The following RP1 variants were observed in gnomAD, a reference collection of about 807,000 sequenced individuals.
The protein encoded by RP1 is RP1 axonemal microtubule associated.
A neutral mutation model predicts 14.8 loss-of-function variants in RP1; 16 were observed. That is an observed-to-expected ratio of 1.08 (90% CI 0.73 to 1.65). The LOEUF (loss-of-function observed/expected upper bound fraction) is 1.65. Ranked by LOEUF, RP1 falls within the 40% of genes most tolerant of loss-of-function variation. RP1 has a pLI of 0.00. For synonymous variants in RP1, 876 were observed against 883.6 expected, an observed-to-expected ratio of 0.99 and a Z score of 0.15; for missense variants, 2,631 against 2,535.0, an observed-to-expected ratio of 1.04 and a Z score of -0.81.
chr8:54,582,361 C>T (rs1267691792), intron 1 of RP1, among the ~76,000 whole-genome samples: 5 of 151,980 alleles, frequency 3.3e-5, no homozygotes, highest in South Asian at 2.1e-4. Context: ...CATTGGTCTA[C>T]ATCTCTGTTT....
chr8:54,783,796 G>A, intron 24 of RP1: 1 of 936,406 alleles, frequency 1.1e-6, no homozygotes, highest in East Asian at 3.3e-5. Context: ...ATTTTTTGTT[G>A]TTCTTTTGGT....
Position 54,832,802 on chromosome 8 carries a change from A to G in RP1, c.3616-4648A>G, listed in dbSNP as rs77301033. Among the ~76,000 whole-genome samples, 191 of 152,026 alleles carry G rather than the reference A, an allele frequency of 1.3e-3. 1 individual carries two copies. Among genetic ancestry groups the G allele is most frequent in the Non-Finnish European group, 2.4e-3 (160 of 67,830 alleles). On this transcript the variant is annotated intron_variant, in intron 24 of 28. Transcript: ENST00000637698. ...GGGTTTGTTTTTATGCCTTGTTAGG[A>G]CAGGGCTATTTCAGCTTTATCCTTA... is the stretch of plus-strand genomic sequence containing the variant.
At chr8:54,766,816 C>T (rs1441779758) in intron 22 of RP1, among the ~76,000 whole-genome samples, 6 of 152,144 alleles carry the variant, frequency 3.9e-5, no homozygotes, top group Non-Finnish European at 8.8e-5. Flanking sequence ...AGGGAGCTCC[C>T]TGGTGACCTA....
At position 54,630,644 on chromosome 8, in the gene RP1, T is replaced by C. The variant is rs1806229595; in HGVS notation, c.*291T>C. The stretch of plus-strand genomic sequence containing the variant: ...TCTATGATTTTTTTTGCTCAGGGCA[T>C]CAAAATGTGCTAAGGACAAGAATTA... On this transcript the variant is annotated 3_prime_UTR_variant, in exon 4 of 4. Transcript: ENST00000220676. 2 of 1,187,838 alleles carry C rather than the reference T, an allele frequency of 1.7e-6. No individual in the cohort carries two copies. The highest frequency in any genetic ancestry group is 2.1e-6 in the Non-Finnish European group (2 of 954,890). 73.6% of individuals were successfully genotyped at this position (1,187,838 alleles called of 1,614,324 possible).
chr8:54,825,908 A>C (rs1429513651), intron 24 of RP1, among the ~76,000 whole-genome samples: 3 of 70,190 alleles, frequency 4.3e-5, no homozygotes, highest in East Asian at 4.1e-4. Context: ...TGTCTCCACA[A>C]AAAAAAAAAA....
At chr8:54,605,420 C>G (rs1483008531) in intron 1 of RP1, among the ~76,000 whole-genome samples, 1 of 152,174 alleles carries the variant, frequency 6.6e-6, no homozygotes, top group Non-Finnish European at 1.5e-5. Context: ...GTTATAATTT[C>G]TATTCTTTTA....
intron 24 of RP1, among the ~76,000 whole-genome samples, chr8:54,827,610 GT>G (rs1811413897): frequency 1.3e-5 from 2 of 152,154 alleles, no homozygotes; most frequent in South Asian, 4.1e-4. Context: ...GATTACAGGC[GT>G]GAGCCACTGT....
At chr8:54,648,066 C>T (rs113559857) in intron 3 of RP1, among the ~76,000 whole-genome samples, 2 of 152,182 alleles carry the variant, frequency 1.3e-5, no homozygotes, top group African/African-American at 4.8e-5. Flanking sequence ...GTTCCCCCTT[C>T]GCGTGTGCTC....
chr8:54,861,412 T>G (rs1428150807), intron 27 of RP1, among the ~76,000 whole-genome samples: 3 of 152,284 alleles, frequency 2.0e-5, no homozygotes, highest in Middle Eastern at 3.4e-3. Context: ...TGTGACATGA[T>G]TTTTTTAACT....
chr8:54,705,801 A>T (rs1808136706), intron 14 of RP1, among the ~76,000 whole-genome samples: 2 of 148,746 alleles, frequency 1.3e-5, no homozygotes, highest in South Asian at 4.3e-4. Flanking sequence ...TTCTAGAGGA[A>T]CAGATATCCA....
rs186405912 is a variant in RP1, at chr8:54,591,289, G to A, written c.-12-29666G>A. Among the ~76,000 whole-genome samples the A allele has an allele frequency of 3.3e-5, 5 of 152,288 alleles. No homozygotes were observed. In the East Asian group the frequency reaches 9.6e-4, roughly 29 times the overall value. Reference sequence around the variant, plus strand: ...GGCCTCTTCCTATTTCTCTGATGAAGTCTTCCTTGACTCTCCATCTTGTTA... The same window carrying A: ...GGCCTCTTCCTATTTCTCTGATGAAATCTTCCTTGACTCTCCATCTTGTTA... On this transcript the variant is annotated intron_variant, in intron 1 of 22. Transcript: ENST00000636932.
intron 19 of RP1, among the ~76,000 whole-genome samples, chr8:54,742,693 C>A (rs756936652): frequency 2.5e-4 from 38 of 152,120 alleles, no homozygotes; most frequent in Non-Finnish European, 4.4e-4. Context: ...ATGGAACCTG[C>A]AAAGTGTAGT....
intron 23 of RP1, among the ~76,000 whole-genome samples, chr8:54,782,859 C>T (rs1437899519): frequency 3.3e-5 from 5 of 152,144 alleles, no homozygotes; most frequent in Non-Finnish European, 5.9e-5. Context: ...CTCAGTATCA[C>T]TGCAGCAGGA....
At chr8:54,812,290 G>A (rs1463078749) in intron 24 of RP1, among the ~76,000 whole-genome samples, 5 of 152,108 alleles carry the variant, frequency 3.3e-5, no homozygotes, top group African/African-American at 9.7e-5. Flanking sequence ...ACAGGCATAC[G>A]CCATCATGCC....
At chr8:54,726,306 A>G (rs1304566625) in intron 16 of RP1, 5 of 1,497,370 alleles carry the variant, frequency 3.3e-6, no homozygotes, top group African/African-American at 1.4e-5. Context: ...GAAACAAGTG[A>G]TTTTGAAAGG....
At chr8:54,598,876 C>T (rs1275054928) in intron 1 of RP1, among the ~76,000 whole-genome samples, 3 of 152,160 alleles carry the variant, frequency 2.0e-5, no homozygotes, top group Non-Finnish European at 2.9e-5. Flanking sequence ...TGTGTCATTT[C>T]TCTCTGGTTC....
chr8:54,589,950 A>G (rs1270715629), intron 1 of RP1, among the ~76,000 whole-genome samples: 2 of 152,130 alleles, frequency 1.3e-5, no homozygotes, highest in Non-Finnish European at 1.5e-5. Flanking sequence ...AGATGATTTT[A>G]TCCTTTTTTC....
chr8:54,742,545 A>C (rs1393383843), intron 19 of RP1, among the ~76,000 whole-genome samples: 1 of 152,256 alleles, frequency 6.6e-6, no homozygotes, highest in African/African-American at 2.4e-5. Flanking sequence ...CTTAGCACCT[A>C]ATACATGCCC....
exon 10 of RP1, chr8:54,679,485 T>C (rs1807374857): frequency 6.5e-7 from 1 of 1,535,848 alleles, no homozygotes; most frequent in Non-Finnish European, 8.7e-7. Flanking sequence ...GATAACAGTA[T>C]CTTCTCTGCG....
Sources: gnomAD v4.1 joint callset for allele counts (sites outside exome capture counted in the v4.1 genomes callset) on GRCh38, gnomAD v4.1.1 for gene constraint, MANE v1.5 for transcripts, NCBI Gene and HGNC (gene_info 2026-07-23, HGNC 2026-07-21) for gene names.